Variants in CDH11 observed in about 807,000 individuals in gnomAD.
CDH11 encodes cadherin-11.
CDH11 carries 11 observed loss-of-function variants against 67.8 expected under a neutral mutation model. The ratio of observed to expected loss-of-function variants is 0.16; its 90% confidence interval spans 0.10 to 0.27. The LOEUF (loss-of-function observed/expected upper bound fraction) is 0.27, where lower values mean the gene tolerates loss of function less well. Ranked by LOEUF, CDH11 falls within the 10% of genes least tolerant of loss-of-function variation. The pLI is 1.00. For missense variants in CDH11, 847 were observed against 1,031.2 expected, an observed-to-expected ratio of 0.82 and a Z score of 2.45; for synonymous variants, 419 against 400.0, an observed-to-expected ratio of 1.05 and a Z score of -0.57.
chr16:65,076,123 C>T (rs2074505293), intron 1 of CDH11, among the ~76,000 whole-genome samples: 1 of 152,138 alleles, frequency 6.6e-6, no homozygotes, highest in Non-Finnish European at 1.5e-5. Context: ...AGCCAGCTCC[C>T]TTGAGGTGCA....
At chr16:65,033,604 T>G (rs1285027784) in intron 2 of CDH11, among the ~76,000 whole-genome samples, 2 of 151,770 alleles carry the variant, frequency 1.3e-5, no homozygotes, top group East Asian at 3.9e-4. Flanking sequence ...AGGCATGGTG[T>G]TGTGTGCCTG....
At chr16:64,988,062 C>G in intron 7 of CDH11, 95 bp downstream of exon 7, 1 of 1,022,916 alleles carries the variant, frequency 9.8e-7, no homozygotes, top group Non-Finnish European at 1.4e-6. Flanking sequence ...TTCGCAAATT[C>G]TCATTTCTTA....
At chr16:64,965,792 ACACACAC>A (rs2071807244) in intron 11 of CDH11, among the ~76,000 whole-genome samples, 1 of 74,580 alleles carries the variant, frequency 1.3e-5, no homozygotes, top group Non-Finnish European at 3.3e-5. Context: ...ACACACACAC[ACACACAC>A]ACACACACAC....
chr16:64,992,923 G>C lies in CDH11; in HGVS notation c.635C>G (p.Ala212Gly), dbSNP rs1043143107. Residue 212 changes from alanine (A) to glycine (G), a missense_variant, in exon 5 of 13, where the codon GCA becomes GGA. Around this residue, in one of 2 missense-constraint regions of CDH11, gnomAD observed 235 missense variants for 352.5 expected, o/e 0.67. Coordinates refer to ENST00000268603, the MANE Select transcript of CDH11 (RefSeq NM_001797.4). ...GTGACATTCCACAGTACCTGTCTGT[G>C]CTTCCACCGAAAAATAGGGTTGTCC... ...LEGQPYFSVEAQTGIIRTALP... is the reference protein window; with the variant it reads ...LEGQPYFSVEGQTGIIRTALP... 1.2e-6 allele frequency: 2 copies of C among 1,613,264 alleles called. No individual in the cohort carries two copies.
At chr16:65,082,808 A>G (rs1281627153) in intron 1 of CDH11, among the ~76,000 whole-genome samples, 1 of 152,056 alleles carries the variant, frequency 6.6e-6, no homozygotes, top group African/African-American at 2.4e-5. Flanking sequence ...CATTTTCTTT[A>G]CCTATTTTGA....
Position 65,121,888 on chromosome 16 carries a change from C to T in CDH11, c.-306G>A, listed in dbSNP as rs2142907196. ...CTGGCGGCGCACCTCACCTGGGGCCCTTGAGGGTGGACGCAACCTCCGAGC... is the reference window on the plus strand; with the variant it reads ...CTGGCGGCGCACCTCACCTGGGGCCTTTGAGGGTGGACGCAACCTCCGAGC... On this transcript the variant is annotated 5_prime_UTR_variant, in exon 1 of 13. Coordinates refer to ENST00000268603, the MANE Select transcript of CDH11 (RefSeq NM_001797.4). This position sits in a 1 kb window ranked among gnomAD's most constrained non-coding sequence, Gnocchi z 4.1. 3 of 702,022 alleles carry T rather than the reference C, an allele frequency of 4.3e-6. No homozygotes were observed. The highest frequency in any genetic ancestry group is 3.0e-5 in the South Asian group (2 of 67,598). 43.5% of individuals were successfully genotyped at this position (702,022 alleles called of 1,614,324 possible).
At chr16:65,052,997 C>A (rs375660330) in intron 2 of CDH11, among the ~76,000 whole-genome samples, 1 of 151,978 alleles carries the variant, frequency 6.6e-6, no homozygotes, top group Non-Finnish European at 1.5e-5. Flanking sequence ...AATGTGGGAC[C>A]CAGGAAAAAC....
At chr16:65,071,679 G>A (rs939601738) in intron 1 of CDH11, among the ~76,000 whole-genome samples, 7 of 152,136 alleles carry the variant, frequency 4.6e-5, no homozygotes, top group Admixed American at 1.3e-4. Context: ...AAGATAGACC[G>A]GAACAAACTT....
Position 64,943,792 on chromosome 16 carries a change from T to G in CDH11, c.*3811A>C, listed in dbSNP as rs1461205539. ...ATAGATATTTATTGTGTACCTGTTA[T>G]GTTTCAGGCACTGTGTAAAGAACTG... On this transcript the variant is annotated 3_prime_UTR_variant, in exon 13 of 13. Transcript: ENST00000268603. 4.7e-6 allele frequency: 1 copy of G among 211,346 alleles called. No individual in the cohort carries two copies. The highest frequency in any genetic ancestry group is 9.6e-6 in the Non-Finnish European group (1 of 104,222). The allele number at this position is 211,346 out of a possible 1,614,324, so 13.1% of individuals were successfully genotyped here.
At chr16:64,957,399 G>A (rs772633876) in intron 11 of CDH11, among the ~76,000 whole-genome samples, 13 of 152,048 alleles carry the variant, frequency 8.5e-5, no homozygotes, top group South Asian at 2.1e-4. Flanking sequence ...CCTACTCTAC[G>A]TTTCTTCCCA....
chr16:64,991,749 G>A lies in CDH11; in HGVS notation c.811+19C>T. On this transcript the variant is annotated intron_variant, in intron 6 of 12. Coordinates refer to ENST00000268603, the MANE Select transcript of CDH11 (RefSeq NM_001797.4). The stretch of plus-strand genomic sequence containing the variant: ...GCTGTGTCACCATGGAAAAGTGAAA[G>A]CCAAGTCCACCTACTTACTCTGCGG... 6.3e-7 allele frequency: 1 copy of A among 1,594,862 alleles called. No homozygotes were observed. Among genetic ancestry groups the A allele is most frequent in the Non-Finnish European group, 8.6e-7 (1 of 1,163,870 alleles).
Position 65,004,668 on chromosome 16 carries a change from C to G in CDH11, c.202G>C (p.Gly68Arg). ...CTGCCCACAAGCACGGGGTCAGGCC[C>G]GGTGTACTCCTCTATCACGAAGAAC... ...NQFFVIEEYT[G>R]PDPVLVGRLH... The change falls in exon 3 of 13, where the codon GGG becomes CGG. Residue 68 changes from glycine (G) to arginine (R), a missense_variant. By Grantham distance (125) the Gly-to-Arg change is moderately radical. Around this residue, in one of 2 missense-constraint regions of CDH11, gnomAD observed 235 missense variants for 352.5 expected, o/e 0.67. Transcript: ENST00000268603. The G allele has an allele frequency of 6.2e-7, 1 of 1,613,366 alleles. No individual in the cohort carries two copies. Among genetic ancestry groups the G allele is most frequent in the Non-Finnish European group, 8.5e-7 (1 of 1,179,874 alleles).
At chr16:64,978,734 T>C (rs1187058428) in intron 8 of CDH11, among the ~76,000 whole-genome samples, 1 of 152,156 alleles carries the variant, frequency 6.6e-6, no homozygotes, top group Non-Finnish European at 1.5e-5. Context: ...GATATGCACA[T>C]GCAAAATAAT....
chr16:64,996,269 C>A (rs187971628), intron 4 of CDH11, among the ~76,000 whole-genome samples: 6 of 152,250 alleles, frequency 3.9e-5, no homozygotes, highest in African/African-American at 1.4e-4. Context: ...GTGAGCAGAT[C>A]ACCTGAGGTC....
chr16:64,955,116 G>T (rs1041166157), intron 11 of CDH11, among the ~76,000 whole-genome samples: 3 of 151,808 alleles, frequency 2.0e-5, no homozygotes, highest in Non-Finnish European at 2.9e-5. Flanking sequence ...CTTGGTGGTG[G>T]GTGCCTGTAA....
At chr16:65,001,144 C>A (rs1180391989) in intron 3 of CDH11, among the ~76,000 whole-genome samples, 1 of 152,098 alleles carries the variant, frequency 6.6e-6, no homozygotes, top group African/African-American at 2.4e-5. Context: ...ATTATTTCAG[C>A]TCGGGGGTTA....
chr16:65,115,717 A>AC (rs1191961738), intron 1 of CDH11, among the ~76,000 whole-genome samples: 1 of 140,980 alleles, frequency 7.1e-6, no homozygotes, highest in African/African-American at 2.6e-5. Context: ...CAAAAAAAAA[A>AC]AAAACAAAAA....
At chr16:64,981,764 C>G (rs2072356054) in intron 8 of CDH11, 1 of 315,766 alleles carries the variant, frequency 3.2e-6, no homozygotes, top group Non-Finnish European at 5.7e-6. Context: ...TCCCCACAGT[C>G]CCCTGAGGCA....
At chr16:65,031,404 G>A (rs62042237) in intron 2 of CDH11, among the ~76,000 whole-genome samples, 40,931 of 152,082 alleles carry the variant, frequency 0.27, 6,156 homozygotes, top group Middle Eastern at 0.36. Flanking sequence ...TCTTTGATGG[G>A]GGACTTAGGG....
Sources: gnomAD v4.1 joint callset for allele counts (sites outside exome capture counted in the v4.1 genomes callset) on GRCh38, gnomAD v4.1.1 for gene constraint, gnomAD v4.1.1 regional missense constraint, Gnocchi (gnomAD v3.1) non-coding constraint, MANE v1.5 for transcripts, NCBI Gene and HGNC (gene_info 2026-07-23, HGNC 2026-07-21) for gene names.